Variants in MACROD1 observed in about 807,000 individuals in gnomAD.
MACROD1 encodes ADP-ribose glycohydrolase MACROD1.
In MACROD1, 31 loss-of-function variants were observed where a neutral mutation model predicts 41.4. The ratio of observed to expected loss-of-function variants is 0.75; its 90% CI spans 0.56 to 1.01. MACROD1 has a LOEUF of 1.01. Among genes scored for constraint, MACROD1 ranks in the 50% least tolerant of loss-of-function variants. The probability of loss-of-function intolerance (pLI) is 0.00; values close to 1 mark genes in which losing one functional copy is unlikely to be tolerated. For missense variants in MACROD1, 473 were observed against 460.0 expected (o/e 1.03, Z -0.26); for synonymous variants, 252 against 203.4 (o/e 1.24, Z -2.03).
chr11:64,063,514 T>A (rs1055453711), intron 3 of MACROD1, among the ~76,000 whole-genome samples: 5 of 152,106 alleles, frequency 3.3e-5, no homozygotes, highest in South Asian at 2.1e-4. Flanking sequence ...CCTGGCAAAG[T>A]CCCAGGTGCC....
At chr11:63,999,212 CAG>C (rs1258559090) in intron 8 of MACROD1, 117 bp downstream of exon 8, 2 of 1,402,816 alleles carry the variant, frequency 1.4e-6, no homozygotes, top group Non-Finnish European at 9.7e-7. Context: ...GCAGGAGAAA[CAG>C]GGAAGGAAGG....
Position 64,122,053 on chromosome 11 carries a change from G to C in MACROD1, c.517+29186C>G, listed in dbSNP as rs1489455312. ...AGGCCGGGAATCATTTGCATTTTGC[G>C]AATGAGGCCTCTTGTAAGCTCAGCT... On this transcript the variant is annotated intron_variant, in intron 3 of 10. Coordinates refer to ENST00000255681, the MANE Select transcript of MACROD1 (RefSeq NM_014067.4). This position sits in a 1 kb window ranked among gnomAD's most constrained non-coding sequence, Gnocchi z 4.0. Among the ~76,000 whole-genome samples the C allele has an allele frequency of 6.6e-6, 1 of 152,092 alleles. No homozygotes were observed. The highest frequency in any genetic ancestry group is 2.1e-4 in the South Asian group (1 of 4,826).
rs1945839093 is a variant in MACROD1, at chr11:64,165,975, A to G, written c.20T>C (p.Leu7Pro). The G allele has an allele frequency of 9.3e-6, 12 of 1,294,148 alleles. No individual in the cohort carries two copies. The highest frequency in any genetic ancestry group is 1.2e-5 in the Non-Finnish European group (12 of 1,027,414). The allele number at this position is 1,294,148 out of a possible 1,614,324, so 80.2% of individuals were successfully genotyped here. Residue 7 changes from leucine to proline, a missense_variant, in exon 1 of 11, where the codon CTG becomes CCG. Coordinates refer to ENST00000255681, the MANE Select transcript of MACROD1 (RefSeq NM_014067.4). MSLQSRLSGRLAQLRAA... is the reference protein window; with the variant it reads MSLQSRPSGRLAQLRAA... ...GCGCAGCTGTGCCAGGCGGCCGGAC[A>G]GTCGGCTCTGTAGAGACATGAGCGG... is the stretch of plus-strand genomic sequence containing the variant.
chr11:64,115,925 C>T (rs998559848), intron 3 of MACROD1, among the ~76,000 whole-genome samples: 3 of 152,200 alleles, frequency 2.0e-5, no homozygotes, highest in African/African-American at 2.4e-5. Context: ...CCTGAGGCTC[C>T]GGATCACATT....
chr11:64,056,890 G>A (rs1943795946), intron 3 of MACROD1, among the ~76,000 whole-genome samples: 1 of 152,176 alleles, frequency 6.6e-6, no homozygotes, highest in Non-Finnish European at 1.5e-5. Context: ...AGGTACCAGG[G>A]TCGGAGCTGG....
At chr11:64,028,706 C>T (rs1312799971) in intron 3 of MACROD1, among the ~76,000 whole-genome samples, 2 of 152,076 alleles carry the variant, frequency 1.3e-5, no homozygotes, top group Non-Finnish European at 2.9e-5. Context: ...CGCAGCTCCT[C>T]CCAGTGCCCC....
At chr11:64,123,511 G>A (rs1945131637) in intron 3 of MACROD1, among the ~76,000 whole-genome samples, 1 of 141,260 alleles carries the variant, frequency 7.1e-6, no homozygotes, top group African/African-American at 2.6e-5. Flanking sequence ...TGCATAGCAG[G>A]GACTTTCTGG....
At chr11:64,056,792 G>A (rs1407627703) in intron 3 of MACROD1, among the ~76,000 whole-genome samples, 1 of 152,136 alleles carries the variant, frequency 6.6e-6, no homozygotes, top group African/African-American at 2.4e-5. Flanking sequence ...TGGGCTGAAG[G>A]AAGGGTTCTG....
At chr11:64,100,428 A>T (rs1021362442) in intron 3 of MACROD1, among the ~76,000 whole-genome samples, 12 of 152,170 alleles carry the variant, frequency 7.9e-5, no homozygotes, top group African/African-American at 2.9e-4. Flanking sequence ...AAAATGGTTT[A>T]TTGGTTTTGA....
chr11:64,013,981 T>TCCCACC (rs1340364712), intron 4 of MACROD1, among the ~76,000 whole-genome samples: 2 of 151,976 alleles, frequency 1.3e-5, no homozygotes, highest in Non-Finnish European at 1.5e-5. Flanking sequence ...ATGGTGCCAC[T>TCCCACC]CCCACCCCCA....
intron 3 of MACROD1, among the ~76,000 whole-genome samples, chr11:64,068,975 G>A (rs893775849): frequency 2.6e-5 from 4 of 152,238 alleles, no homozygotes; most frequent in African/African-American, 9.6e-5. Context: ...ACATTATCTA[G>A]AGCTGCCTAT....
intron 3 of MACROD1, among the ~76,000 whole-genome samples, chr11:64,087,523 G>A (rs1237447431): frequency 6.6e-6 from 1 of 152,224 alleles, no homozygotes; most frequent in Non-Finnish European, 1.5e-5. Context: ...CTGGAGCTCT[G>A]GGCTTGGAGG....
chr11:64,002,639 C>G (rs933979345), intron 4 of MACROD1, among the ~76,000 whole-genome samples: 8 of 152,198 alleles, frequency 5.3e-5, no homozygotes, highest in Admixed American at 2.0e-4. Context: ...CCTTCTCGCT[C>G]TCTCCCCTGA....
chr11:64,047,959 C>T (rs1943616406), intron 3 of MACROD1, among the ~76,000 whole-genome samples: 1 of 152,020 alleles, frequency 6.6e-6, no homozygotes, highest in African/African-American at 2.4e-5. Flanking sequence ...CAGCAACTTC[C>T]TGGGACCCTG....
chr11:64,161,058 C>A (rs1945746163), intron 1 of MACROD1, among the ~76,000 whole-genome samples: 1 of 152,060 alleles, frequency 6.6e-6, no homozygotes, highest in South Asian at 2.1e-4. Flanking sequence ...GTAATCCCAG[C>A]AACTCTGGAG....
chr11:64,045,418 G>C (rs1372945798), intron 3 of MACROD1, among the ~76,000 whole-genome samples: 2 of 152,252 alleles, frequency 1.3e-5, no homozygotes, highest in Non-Finnish European at 2.9e-5. Flanking sequence ...AGGGAAAGGG[G>C]TGAAGAGCGC....
chr11:64,056,837 C>T (rs1233826319), intron 3 of MACROD1, among the ~76,000 whole-genome samples: 2 of 151,776 alleles, frequency 1.3e-5, no homozygotes, highest in African/African-American at 4.8e-5. Flanking sequence ...CCTGGGATGA[C>T]CTCCACTCTG....
rs757729795 is a variant in MACROD1, at chr11:64,116,988, G to A, written c.517+34251C>T. On this transcript the variant is annotated intron_variant, in intron 3 of 10. Coordinates refer to ENST00000255681, the MANE Select transcript of MACROD1 (RefSeq NM_014067.4). ...CCTGCTGGCCAACCAGCGCATCGCCGACGACACCTTCAGCCGCCTACAGAA... is the reference window on the plus strand; with the variant it reads ...CCTGCTGGCCAACCAGCGCATCGCCAACGACACCTTCAGCCGCCTACAGAA... The A allele has an allele frequency of 5.6e-6, 9 of 1,612,282 alleles. 1 individual carries two copies. The highest frequency in any genetic ancestry group is 3.3e-5 in the Admixed American group (2 of 59,976).
In MACROD1 at chr11:64,090,527, G is replaced by C. The variant is rs527786345; in HGVS notation, c.517+60712C>G. Among the ~76,000 whole-genome samples the C allele has an allele frequency of 6.6e-6, 1 of 152,232 alleles. No homozygotes were observed. The highest frequency in any genetic ancestry group is 1.9e-4 in the East Asian group (1 of 5,180). On this transcript the variant is annotated intron_variant, in intron 3 of 10. Coordinates refer to ENST00000255681, the MANE Select transcript of MACROD1 (RefSeq NM_014067.4). The surrounding 1 kb of genome is among the most constrained non-coding windows in gnomAD (Gnocchi z 4.7). ...CATTTGCTTCCCCGGGCCCTCCCTC[G>C]ACCGGCTCTGCCTGCTCACAGGTGG...
Sources: gnomAD v4.1 joint callset for allele counts (sites outside exome capture counted in the v4.1 genomes callset) on GRCh38, gnomAD v4.1.1 for gene constraint, Gnocchi (gnomAD v3.1) non-coding constraint, MANE v1.5 for transcripts, NCBI Gene and HGNC (gene_info 2026-07-23, HGNC 2026-07-21) for gene names.